The following MTR variants were observed in gnomAD, a reference collection of about 807,000 sequenced individuals.
MTR encodes the protein 5-methyltetrahydrofolate-homocysteine methyltransferase, also known as methionine synthase.
A neutral mutation model predicts 154.8 loss-of-function variants in MTR; 84 were observed. The observed-to-expected ratio is 0.54, with a 90% CI of 0.45 to 0.65. The LOEUF (loss-of-function observed/expected upper bound fraction) is 0.65, where lower values mean the gene tolerates loss of function less well. Ranked by LOEUF, MTR falls within the 30% of genes least tolerant of loss-of-function variation. The probability of loss-of-function intolerance (pLI) is 0.00; values close to 1 mark genes in which losing one functional copy is unlikely to be tolerated. For synonymous variants in MTR, 554 were observed against 553.9 expected (o/e 1.00, Z 0.00); for missense variants, 1,275 against 1,570.2 (o/e 0.81, Z 3.18).
intron 15 of MTR, 114 bp from the exon 16 acceptor site, chr1:236,850,230 C>A: frequency 1.5e-6 from 1 of 659,298 alleles, no homozygotes; most frequent in Non-Finnish European, 2.1e-6. Context: ...TAATGTATAA[C>A]ACTTAATATT....
At chr1:236,842,140 C>T (rs903321677) in intron 15 of MTR, among the ~76,000 whole-genome samples, 9 of 152,186 alleles carry the variant, frequency 5.9e-5, no homozygotes, top group African/African-American at 1.9e-4. Flanking sequence ...ATCCGCCCGC[C>T]TCGGCTTCCC....
intron 26 of MTR, among the ~76,000 whole-genome samples, chr1:236,885,990 C>G (rs1482814750): frequency 6.6e-6 from 1 of 152,132 alleles, no homozygotes; most frequent in Non-Finnish European, 1.5e-5. Flanking sequence ...AACAGCTGAC[C>G]TCAGGTGTTC....
At chr1:236,810,456 A>C in intron 4 of MTR, 47 bp from the exon 5 acceptor site, 1 of 1,486,290 alleles carries the variant, frequency 6.7e-7, no homozygotes, top group Non-Finnish European at 9.4e-7. Context: ...ACGACAAAAA[A>C]TGTTCAGCCA....
At position 236,808,538 on chromosome 1, in the gene MTR, A is replaced by G. The variant is rs1661117141; in HGVS notation, c.340-166A>G. 1.3e-5 allele frequency among the ~76,000 whole-genome samples: 2 copies of G among 152,226 alleles called. No homozygotes were observed. Among genetic ancestry groups the G allele is most frequent in the Admixed American group, 6.5e-5 (1 of 15,284 alleles). On this transcript the variant is annotated intron_variant, in intron 3 of 32. Transcript: ENST00000366577. ...TCTTGTCTTTCCTTGCTGCCTTTCAAGTCTGGAGCTGATATGCCTGCTTGG... is the reference window on the plus strand; with the variant it reads ...TCTTGTCTTTCCTTGCTGCCTTTCAGGTCTGGAGCTGATATGCCTGCTTGG...
At chr1:236,852,868 G>A in intron 17 of MTR, 80 bp from the exon 18 acceptor site, 1 of 1,511,538 alleles carries the variant, frequency 6.6e-7, no homozygotes, top group Non-Finnish European at 9.2e-7. Flanking sequence ...TTTCTCTCTG[G>A]CCCTTTACAG....
chr1:236,859,397 G>A (rs1465433954), intron 18 of MTR, among the ~76,000 whole-genome samples: 1 of 152,224 alleles, frequency 6.6e-6, no homozygotes, highest in Admixed American at 6.5e-5. Flanking sequence ...TGAGAGCATA[G>A]TCTGTGTCGT....
chr1:236,815,525 G>A (rs759384388), intron 6 of MTR, 79 bp from the exon 7 acceptor site: 1 of 1,379,990 alleles, frequency 7.2e-7, no homozygotes, highest in Non-Finnish European at 1.0e-6. Flanking sequence ...TTAGAAAAGG[G>A]TGCATTCTAA....
intron 15 of MTR, among the ~76,000 whole-genome samples, chr1:236,847,933 G>A (rs1222387382): frequency 6.6e-6 from 1 of 152,166 alleles, no homozygotes; most frequent in African/African-American, 2.4e-5. Flanking sequence ...CACAGCCCTG[G>A]TGAGGAGTAA....
chr1:236,868,756 A>T (rs1664957787), intron 22 of MTR, among the ~76,000 whole-genome samples: 1 of 152,238 alleles, frequency 6.6e-6, no homozygotes, highest in Non-Finnish European at 1.5e-5. Flanking sequence ...TAGTATACGT[A>T]AAAGAGCAGT....
At chr1:236,823,794 A>ATTTT (rs1324332853) in intron 8 of MTR, among the ~76,000 whole-genome samples, 16 of 23,346 alleles carry the variant, frequency 6.9e-4, no homozygotes, top group Non-Finnish European at 1.2e-3. Flanking sequence ...TTCAGGTCAG[A>ATTTT]TCTTTTTTTT....
rs773581879 is a variant in MTR, at chr1:236,831,990, C to T, written c.1100C>T (p.Pro367Leu). 27 of 1,613,914 alleles carry T rather than the reference C, an allele frequency of 1.7e-5. No homozygotes were observed. The highest frequency in any genetic ancestry group is 2.1e-5 in the Non-Finnish European group (25 of 1,179,954). The change falls in exon 13 of 33, where the codon CCG becomes CTG. Residue 367 changes from proline (P) to leucine (L), a missense_variant. Transcript: ENST00000366577. ...GGTCTAGAGCCCTTCAGGATTGGAC[C>T]GTACACCAACTTTGTTAACATTGGA... is the stretch of plus-strand genomic sequence containing the variant. ...LSGLEPFRIG[P>L]YTNFVNIGER... is the part of the protein sequence containing the mutation.
At chr1:236,804,435 T>A (rs1202505975) in intron 2 of MTR, among the ~76,000 whole-genome samples, 1 of 152,226 alleles carries the variant, frequency 6.6e-6, no homozygotes, top group Non-Finnish European at 1.5e-5. Context: ...TGTATTTTAG[T>A]CTAGTTTTCT....
At chr1:236,894,000 T>A (rs369459426) in intron 29 of MTR, among the ~76,000 whole-genome samples, 17 of 135,348 alleles carry the variant, frequency 1.3e-4, no homozygotes, top group African/African-American at 4.4e-4. Context: ...TGGGGACAAA[T>A]TTTTTTTTTT....
Position 236,825,305 on chromosome 1 carries a change from A to G in MTR, c.866-33A>G, listed in dbSNP as rs574651826. On this transcript the variant is annotated intron_variant, in intron 9 of 32. Transcript: ENST00000366577. Reference sequence around the variant, plus strand: ...AAATACAGTGTATATTTTTAAGGCAATTTGCAATAATGGTTGAATTATCCT... The same window carrying G: ...AAATACAGTGTATATTTTTAAGGCAGTTTGCAATAATGGTTGAATTATCCT... The G allele has an allele frequency of 1.0e-3, 1,598 of 1,544,450 alleles. 24 individuals carry two copies. In the South Asian group the frequency reaches 0.017, roughly 16 times the overall value.
chr1:236,871,190 CT>C (rs1215678014), intron 22 of MTR, among the ~76,000 whole-genome samples: 3 of 152,184 alleles, frequency 2.0e-5, no homozygotes, highest in African/African-American at 7.2e-5. Context: ...GACCCCACCC[CT>C]GGTCAGTTAA....
chr1:236,857,995 G>A (rs1664299985), intron 18 of MTR, among the ~76,000 whole-genome samples: 1 of 152,208 alleles, frequency 6.6e-6, no homozygotes, highest in South Asian at 2.1e-4. Flanking sequence ...ATGTATGTCA[G>A]ATGAACAAAT....
chr1:236,822,355 G>A (rs1276319399), intron 8 of MTR, among the ~76,000 whole-genome samples: 1 of 142,824 alleles, frequency 7.0e-6, no homozygotes, highest in African/African-American at 2.5e-5. Context: ...TGTCACTCAG[G>A]CTGGAGTGCT....
At chr1:236,811,632 C>G (rs900637010) in intron 5 of MTR, 4 of 456,082 alleles carry the variant, frequency 8.8e-6, no homozygotes, top group Admixed American at 4.7e-5. Flanking sequence ...TGTTGATGCT[C>G]TCTTTGGTCT....
chr1:236,817,136 T>C (rs1302685531), intron 8 of MTR, among the ~76,000 whole-genome samples: 1 of 152,218 alleles, frequency 6.6e-6, no homozygotes, highest in African/African-American at 2.4e-5. Context: ...AATAACTCCC[T>C]ATTTATATTT....
Sources: allele counts gnomAD v4.1 joint callset (sites outside exome capture counted in the v4.1 genomes callset), GRCh38; gene constraint gnomAD v4.1.1; transcripts MANE v1.5; gene names NCBI Gene and HGNC (gene_info 2026-07-23, HGNC 2026-07-21).